The following ENPP2 variants were observed in gnomAD, a reference collection of about 807,000 sequenced individuals.
ENPP2 encodes autotaxin.
A neutral mutation model predicts 120.2 loss-of-function variants in ENPP2; 51 were observed. The observed-to-expected ratio is 0.42, with a 90% confidence interval of 0.34 to 0.54. The LOEUF (loss-of-function observed/expected upper bound fraction) is 0.54, where lower values mean the gene tolerates loss of function less well. Among genes scored for constraint, ENPP2 ranks in the 20% least tolerant of loss-of-function variants. ENPP2 has a pLI of 0.04. For synonymous variants in ENPP2, 365 were observed against 366.4 expected (o/e 1.00, Z 0.04); for missense variants, 920 against 1,066.5 (o/e 0.86, Z 1.91).
intron 20 of ENPP2, among the ~76,000 whole-genome samples, chr8:119,570,278 G>GGAA (rs1554605363): frequency 3.9e-5 from 3 of 76,840 alleles, no homozygotes; most frequent in East Asian, 4.7e-4. Context: ...CAAAACATTA[G>GGAA]AAAAAAAAAA....
At chr8:119,597,201 T>C (rs1160449372) in intron 11 of ENPP2, among the ~76,000 whole-genome samples, 5 of 152,096 alleles carry the variant, frequency 3.3e-5, no homozygotes, top group Admixed American at 3.3e-4. Flanking sequence ...TTTGGTTTTG[T>C]TTGTTTGTTT....
In ENPP2 at chr8:119,568,236, T is replaced by C; in HGVS notation, c.2070A>G (p.Pro690=). Residue 690 remains proline (P), a synonymous_variant, in exon 22 of 25, where the codon CCA becomes CCG. Transcript: ENST00000075322. The stretch of plus-strand genomic sequence containing the variant: ...CAAGGAATGCATCATATTTAGCCTC[T>C]GGTGAAGAGCTCAGATCTAAACATT... ...FLFPPYLSSS[P]EAKYDAFLVT... The C allele has an allele frequency of 3.8e-6, 6 of 1,593,408 alleles. No individual in the cohort carries two copies. The highest frequency in any genetic ancestry group is 5.2e-6 in the Non-Finnish European group (6 of 1,161,658).
chr8:119,573,829 G>GAAAAC (rs1301716435), intron 19 of ENPP2, among the ~76,000 whole-genome samples: 3 of 152,096 alleles, frequency 2.0e-5, no homozygotes, highest in Admixed American at 2.0e-4. Context: ...GAAAAGAAAA[G>GAAAAC]AAAGAAATTT....
rs1048878946 is a variant in ENPP2 at position 119,575,189 on chromosome 8, G to A, written c.1781-4348C>T. On this transcript the variant is annotated intron_variant, in intron 19 of 24. Transcript: ENST00000075322. ...GTAGTATCATCTCCAACTTACTGAT[G>A]AAGGAACTGGAGGTTTATGATTTGC... Among the ~76,000 whole-genome samples, 4 of 152,164 alleles carry A rather than the reference G, an allele frequency of 2.6e-5. No individual in the cohort carries two copies. In the East Asian group the frequency reaches 5.8e-4, roughly 22 times the overall value.
chr8:119,668,660 C>T (rs909786118), intron 1 of ENPP2, among the ~76,000 whole-genome samples: 1 of 152,080 alleles, frequency 6.6e-6, no homozygotes, highest in African/African-American at 2.4e-5. Context: ...ATCTCTTGAC[C>T]TTGTGATCCA....
Position 119,632,970 on chromosome 8 carries a change from A to G in ENPP2, c.136+5455T>C, listed in dbSNP as rs116195402. ...TGTAATCTCAGCTAGGGCTGAGGCA[A>G]GAGAATTGCTTGAGGTGGAGGTTGC... On this transcript the variant is annotated intron_variant, in intron 2 of 24. Transcript: ENST00000075322. 6.9e-3 allele frequency among the ~76,000 whole-genome samples: 1,058 copies of G among 152,250 alleles called. 10 individuals are homozygous for G. Among genetic ancestry groups the G allele is most frequent in the African/African-American group, 0.025 (1,022 of 41,550 alleles).
intron 11 of ENPP2, among the ~76,000 whole-genome samples, chr8:119,594,199 A>G (rs183422612): frequency 8.8e-4 from 134 of 152,338 alleles, no homozygotes; most frequent in Middle Eastern, 3.4e-3. Context: ...TTGAGAGTAA[A>G]CAGAAAGTCC....
At chr8:119,568,322 A>G (rs541981642) in intron 21 of ENPP2, 70 bp from the exon 22 acceptor site, 1 of 833,086 alleles carries the variant, frequency 1.2e-6, no homozygotes, top group Non-Finnish European at 2.0e-6. Flanking sequence ...AAAAAGGGAG[A>G]GGGGGGTAGA....
chr8:119,582,388 C>T (rs779024025), intron 18 of ENPP2, 30 bp downstream of exon 18: 7 of 1,584,900 alleles, frequency 4.4e-6, no homozygotes, highest in Non-Finnish European at 8.7e-7. Context: ...CAACAAACTT[C>T]TCCATAATAA....
upstream of ENPP2, among the ~76,000 whole-genome samples, chr8:119,641,925 A>G (rs1010885675): frequency 1.3e-5 from 2 of 152,336 alleles, no homozygotes; most frequent in Admixed American, 1.3e-4. Context: ...ACAAAAAACT[A>G]TGATTCCCAG....
chr8:119,613,568 T>G (rs1416451976), intron 8 of ENPP2, among the ~76,000 whole-genome samples: 1 of 152,164 alleles, frequency 6.6e-6, no homozygotes, highest in Non-Finnish European at 1.5e-5. Flanking sequence ...CTCTTATAAA[T>G]GTATAAAAAA....
At chr8:119,660,846 C>T (rs774587343) in intron 1 of ENPP2, among the ~76,000 whole-genome samples, 5 of 152,128 alleles carry the variant, frequency 3.3e-5, no homozygotes, top group Admixed American at 6.6e-5. Flanking sequence ...AATTGGGTAG[C>T]TATGTTCCAT....
chr8:119,596,091 G>A lies in ENPP2; in HGVS notation c.973-2231C>T, dbSNP rs562306275. The A allele has an allele frequency of 6.3e-5, 79 of 1,255,828 alleles. 3 individuals are homozygous for A. Among genetic ancestry groups the A allele is most frequent in the South Asian group, 5.7e-4 (41 of 72,428 alleles). The allele number at this position is 1,255,828 out of a possible 1,614,324, so 77.8% of individuals were successfully genotyped here. A position where few individuals can be genotyped will look rare whatever the true frequency, so the allele number is the denominator to read the frequency against. On this transcript the variant is annotated intron_variant, in intron 11 of 24. Coordinates refer to ENST00000075322, the MANE Select transcript of ENPP2 (RefSeq NM_001040092.3). ...GCTTACACTTTCCCATCTGGGATCA[G>A]CAGAGTCTCAGAATAACTAAGGCTC... is the stretch of plus-strand genomic sequence containing the variant.
chr8:119,604,614 A>C (rs1463824492), intron 9 of ENPP2, among the ~76,000 whole-genome samples: 1 of 151,890 alleles, frequency 6.6e-6, no homozygotes, highest in Non-Finnish European at 1.5e-5. Context: ...GACTAAGTTA[A>C]GTATTTACTA....
chr8:119,629,442 C>T (rs891483340), intron 2 of ENPP2, among the ~76,000 whole-genome samples: 2 of 152,132 alleles, frequency 1.3e-5, no homozygotes, highest in Admixed American at 6.6e-5. Flanking sequence ...TGTTAAATGT[C>T]ACTTCTAGGT....
intron 19 of ENPP2, among the ~76,000 whole-genome samples, chr8:119,574,253 T>C (rs539166940): frequency 6.6e-6 from 1 of 152,220 alleles, no homozygotes; most frequent in East Asian, 1.9e-4. Context: ...GCAAAAAGTC[T>C]CTCTACTCAG....
chr8:119,643,638 G>C (rs949540527), upstream of ENPP2, among the ~76,000 whole-genome samples: 6 of 152,182 alleles, frequency 3.9e-5, no homozygotes, highest in Non-Finnish European at 7.3e-5. Context: ...CTTCTACAAG[G>C]TACCAAGCAC....
chr8:119,653,862 A>C (rs1273910766), intron 1 of ENPP2, among the ~76,000 whole-genome samples: 4 of 151,818 alleles, frequency 2.6e-5, no homozygotes, highest in African/African-American at 9.7e-5. Context: ...GTGGGTGTGC[A>C]TTGCCCTTCC....
intron 1 of ENPP2, among the ~76,000 whole-genome samples, chr8:119,672,334 A>T (rs969668849): frequency 6.6e-6 from 1 of 152,202 alleles, no homozygotes; most frequent in Admixed American, 6.5e-5. Flanking sequence ...CAATACCAGA[A>T]TCGGGTTCCC....
Sources: allele counts gnomAD v4.1 joint callset (sites outside exome capture counted in the v4.1 genomes callset), GRCh38; gene constraint gnomAD v4.1.1; transcripts MANE v1.5; gene names NCBI Gene and HGNC (gene_info 2026-07-23, HGNC 2026-07-21).